MARCHF1: variants seen among roughly 807,000 people sequenced by gnomAD.
The protein encoded by MARCHF1 is membrane associated ring-CH-type finger 1.
Under a neutral mutation model 54.2 loss-of-function variants are expected in MARCHF1, and 40 were observed. That is an observed-to-expected ratio of 0.74 (90% CI 0.57 to 0.96). The LOEUF is 0.96. Among genes scored for constraint, MARCHF1 ranks in the 40% least tolerant of loss-of-function variants. The probability of loss-of-function intolerance (pLI) is 0.00; values close to 1 mark genes in which losing one functional copy is unlikely to be tolerated. For missense variants in MARCHF1, 586 were observed against 656.5 expected (o/e 0.89, Z 1.17); for synonymous variants, 236 against 236.3 (o/e 1.00, Z 0.01).
intron 1 of MARCHF1, among the ~76,000 whole-genome samples, chr4:164,271,697 G>C (rs1467684424): frequency 6.6e-6 from 1 of 152,010 alleles, no homozygotes; most frequent in Non-Finnish European, 1.5e-5. Flanking sequence ...AGTTCGAGGT[G>C]AATTCCAGGA....
chr4:163,698,744 G>T (rs1426773374), intron 5 of MARCHF1, among the ~76,000 whole-genome samples: 1 of 152,138 alleles, frequency 6.6e-6, no homozygotes, highest in Non-Finnish European at 1.5e-5. Flanking sequence ...TAGAAATGCA[G>T]ATATAATTTC....
chr4:163,987,286 T>C (rs1045941894), intron 3 of MARCHF1, among the ~76,000 whole-genome samples: 2 of 152,226 alleles, frequency 1.3e-5, no homozygotes, highest in African/African-American at 2.4e-5. Context: ...ATGAGGCAAT[T>C]ACTAATGTAA....
chr4:164,304,610 T>C (rs1039934420), intron 1 of MARCHF1, among the ~76,000 whole-genome samples: 2 of 152,334 alleles, frequency 1.3e-5, no homozygotes, highest in Admixed American at 1.3e-4. Flanking sequence ...CTGGCAGAAA[T>C]ACCTTATTTT....
intron 1 of MARCHF1, among the ~76,000 whole-genome samples, chr4:164,311,635 A>G (rs1734852235): frequency 6.6e-6 from 1 of 152,194 alleles, no homozygotes; most frequent in Non-Finnish European, 1.5e-5. Flanking sequence ...AGTCCTATTA[A>G]TCTTGGTGAT....
chr4:163,707,786 T>TAAAAAA (rs777522371), intron 4 of MARCHF1, among the ~76,000 whole-genome samples: 30 of 65,854 alleles, frequency 4.6e-4, no homozygotes, highest in African/African-American at 8.3e-4. Flanking sequence ...TGTTTTGAAC[T>TAAAAAA]AAAAAAAAAA....
chr4:164,228,115 C>T (rs1293433742), intron 1 of MARCHF1, among the ~76,000 whole-genome samples: 1 of 152,008 alleles, frequency 6.6e-6, no homozygotes, highest in Non-Finnish European at 1.5e-5. Context: ...GAACTGATGA[C>T]GATGATGATA....
chr4:163,602,682 C>A (rs894563493), intron 7 of MARCHF1, among the ~76,000 whole-genome samples: 4 of 152,030 alleles, frequency 2.6e-5, no homozygotes, highest in African/African-American at 9.7e-5. Context: ...GAGTCTGTTA[C>A]CTCTTAGAAA....
chr4:164,160,545 G>A (rs1454200522), intron 1 of MARCHF1, among the ~76,000 whole-genome samples: 2 of 152,116 alleles, frequency 1.3e-5, no homozygotes, highest in African/African-American at 4.8e-5. Context: ...TAGATTTCTG[G>A]TGTGAATACC....
At position 163,569,563 on chromosome 4, in the gene MARCHF1, C is replaced by T. The variant is rs28669795; in HGVS notation, c.1191+16186G>A. ...TGCATTATCTTATTCAGCTCTCCTA[C>T]GAACCATCTAAGGGGGTACATACTC... On this transcript the variant is annotated intron_variant, in intron 8 of 9. Transcript: ENST00000514618. 8.3e-3 allele frequency among the ~76,000 whole-genome samples: 1,123 copies of T among 135,634 alleles called. 14 individuals are homozygous for T. The highest frequency in any genetic ancestry group is 0.028 in the African/African-American group (988 of 35,890). 89.0% of individuals were successfully genotyped at this position (135,634 alleles called of 152,430 possible).
rs543629975 is a variant in MARCHF1 at position 163,743,648 on chromosome 4, G to A, written c.112-42785C>T. 3.0e-3 allele frequency among the ~76,000 whole-genome samples: 448 copies of A among 150,684 alleles called. 3 individuals carry two copies. The highest frequency in any genetic ancestry group is 0.011 in the African/African-American group (434 of 41,014). On this transcript the variant is annotated intron_variant, in intron 4 of 9. Coordinates refer to ENST00000514618, the MANE Select transcript of MARCHF1 (RefSeq NM_001394959.1). Reference sequence around the variant, plus strand: ...GGCTGGAGGGCAGTGGCGCGATCTGGGCTCACTGCAAGCTCCGCTTCCCAG... The same window carrying A: ...GGCTGGAGGGCAGTGGCGCGATCTGAGCTCACTGCAAGCTCCGCTTCCCAG...
chr4:163,957,807 C>G (rs547122820), intron 3 of MARCHF1, among the ~76,000 whole-genome samples: 4 of 152,012 alleles, frequency 2.6e-5, no homozygotes, highest in Admixed American at 2.0e-4. Context: ...CTAACCAGCT[C>G]TCTGTACATC....
At chr4:163,872,224 T>C (rs1321355960) in intron 3 of MARCHF1, among the ~76,000 whole-genome samples, 1 of 152,196 alleles carries the variant, frequency 6.6e-6, no homozygotes, top group Non-Finnish European at 1.5e-5. Flanking sequence ...TGGGGCTATC[T>C]GAGCATGTGT....
chr4:164,147,165 A>G (rs1203143079), intron 1 of MARCHF1, among the ~76,000 whole-genome samples: 4 of 151,950 alleles, frequency 2.6e-5, no homozygotes, highest in African/African-American at 7.3e-5. Context: ...ATTAAAAGTC[A>G]GGAAACAACA....
In MARCHF1 at chr4:163,527,709, T is replaced by G. The variant is rs1459768741; in HGVS notation, c.*1039A>C. The stretch of plus-strand genomic sequence containing the variant: ...ACTGTTAAATAAAGCAGAAGCTTAG[T>G]CTCTAATTTTACGGCTGTGCTATCC... On this transcript the variant is annotated 3_prime_UTR_variant, in exon 10 of 10. Transcript: ENST00000514618. 2.6e-5 allele frequency: 4 copies of G among 152,124 alleles called. No homozygotes were observed. The East Asian group carries it at 7.7e-4, about 29-fold the overall frequency. The allele number at this position is 152,124 out of a possible 1,614,324, so 9.4% of individuals were successfully genotyped here.
At chr4:164,367,033 C>A (rs1730899177) in intron 1 of MARCHF1, among the ~76,000 whole-genome samples, 1 of 152,024 alleles carries the variant, frequency 6.6e-6, no homozygotes, top group Non-Finnish European at 1.5e-5. Flanking sequence ...AGTCTAGTTA[C>A]CAAACGGAGA....
At chr4:163,727,916 G>C (rs1215058703) in intron 4 of MARCHF1, among the ~76,000 whole-genome samples, 1 of 151,394 alleles carries the variant, frequency 6.6e-6, no homozygotes, top group Non-Finnish European at 1.5e-5. Flanking sequence ...TAAACTCCTG[G>C]GTTCAAGTGA....
intron 8 of MARCHF1, among the ~76,000 whole-genome samples, chr4:163,547,710 G>A (rs1738956340): frequency 1.3e-5 from 2 of 152,314 alleles, no homozygotes; most frequent in South Asian, 4.1e-4. Flanking sequence ...TATGGAATAA[G>A]AGCCTATAAT....
chr4:163,915,450 A>C (rs1579389125), intron 3 of MARCHF1, among the ~76,000 whole-genome samples: 1 of 152,150 alleles, frequency 6.6e-6, no homozygotes, highest in East Asian at 1.9e-4. Flanking sequence ...AGAAAAGCAA[A>C]AGGAGACATG....
chr4:163,888,497 T>G (rs952445479), intron 3 of MARCHF1, among the ~76,000 whole-genome samples: 1 of 152,314 alleles, frequency 6.6e-6, no homozygotes. Context: ...CCCAAATCAA[T>G]GTTCTGGCAT....
Sources: allele counts gnomAD v4.1 joint callset (sites outside exome capture counted in the v4.1 genomes callset), GRCh38; gene constraint gnomAD v4.1.1; transcripts MANE v1.5; gene names NCBI Gene and HGNC (gene_info 2026-07-23, HGNC 2026-07-21).